The following ACBD6 variants were observed in gnomAD, a reference collection of about 807,000 sequenced individuals.
The protein encoded by ACBD6 is acyl-CoA-binding domain-containing protein 6.
A neutral mutation model predicts 37.2 loss-of-function variants in ACBD6; 28 were observed. The ratio of observed to expected loss-of-function variants is 0.75; its 90% CI spans 0.56 to 1.03. The LOEUF (loss-of-function observed/expected upper bound fraction) is 1.03. Among genes scored for constraint, ACBD6 ranks in the 50% least tolerant of loss-of-function variants. The pLI is 0.00. For missense variants in ACBD6, 340 were observed against 337.4 expected (o/e 1.01, Z -0.06); for synonymous variants, 113 against 126.8 (o/e 0.89, Z 0.73).
chr1:180,272,449 A>G (rs1268721746), intron 13 of ACBD6, among the ~76,000 whole-genome samples: 1 of 152,172 alleles, frequency 6.6e-6, no homozygotes, highest in African/African-American at 2.4e-5. Flanking sequence ...CATGCTCCAC[A>G]GGTTTTTTCC....
intron 6 of ACBD6, among the ~76,000 whole-genome samples, chr1:180,321,531 A>G (rs1246626062): frequency 6.6e-6 from 1 of 151,988 alleles, no homozygotes; most frequent in East Asian, 1.9e-4. Context: ...CTGGGTATTT[A>G]TCTGTGGCTA....
At chr1:180,343,759 A>G (rs1484030715) in intron 6 of ACBD6, among the ~76,000 whole-genome samples, 1 of 152,148 alleles carries the variant, frequency 6.6e-6, no homozygotes, top group Non-Finnish European at 1.5e-5. Context: ...AAAAGTAAGC[A>G]TAAAAACAAA....
Position 180,432,527 on chromosome 1 carries a change from A to C in ACBD6, c.385-2265T>G, listed in dbSNP as rs554067271. Among the ~76,000 whole-genome samples the C allele has an allele frequency of 2.8e-4, 43 of 152,318 alleles. 1 individual carries two copies. In the Middle Eastern group the frequency reaches 0.014, roughly 48 times the overall value. Reference sequence around the variant, plus strand: ...TGTTTAAACATCATGTCATTAAAGAAATGCAAATGAAAACAAAAATGAGAA... The same window carrying C: ...TGTTTAAACATCATGTCATTAAAGACATGCAAATGAAAACAAAAATGAGAA... On this transcript the variant is annotated intron_variant, in intron 3 of 7. Coordinates refer to ENST00000367595, the MANE Select transcript of ACBD6 (RefSeq NM_032360.4).
intron 6 of ACBD6, among the ~76,000 whole-genome samples, chr1:180,334,149 A>C (rs1436787226): frequency 6.6e-6 from 1 of 152,248 alleles, no homozygotes; most frequent in Non-Finnish European, 1.5e-5. Flanking sequence ...TCCCTGTCTG[A>C]CAGCTTTGAA....
intron 6 of ACBD6, among the ~76,000 whole-genome samples, chr1:180,340,703 A>T (rs962986215): frequency 6.6e-6 from 1 of 151,878 alleles, no homozygotes; most frequent in Non-Finnish European, 1.5e-5. Context: ...AGGATGAGAT[A>T]TAGTACACAA....
intron 6 of ACBD6, among the ~76,000 whole-genome samples, chr1:180,368,481 G>A (rs549475964): frequency 1.1e-4 from 16 of 152,142 alleles, no homozygotes; most frequent in African/African-American, 3.6e-4. Flanking sequence ...TATTGCCTAG[G>A]TTGTCTTCCA....
At chr1:180,275,788 C>T (rs1648990806) in intron 9 of ACBD6, 2 of 152,244 alleles carry the variant, frequency 1.3e-5, no homozygotes, top group South Asian at 4.1e-4. Flanking sequence ...TGGCTGGACA[C>T]CTGCCATGCC....
At chr1:180,280,066 G>T (rs1030862388) in intron 9 of ACBD6, among the ~76,000 whole-genome samples, 1 of 152,088 alleles carries the variant, frequency 6.6e-6, no homozygotes, top group African/African-American at 2.4e-5. Context: ...CACATTTTAG[G>T]TGCTCAACAG....
At chr1:180,347,736 CTG>C (rs1486080361) in intron 6 of ACBD6, among the ~76,000 whole-genome samples, 1 of 152,118 alleles carries the variant, frequency 6.6e-6, no homozygotes, top group Non-Finnish European at 1.5e-5. Flanking sequence ...GTTTGGGAGG[CTG>C]AGGCGGGTGG....
At chr1:180,439,587 C>T (rs574305857) in intron 3 of ACBD6, among the ~76,000 whole-genome samples, 9 of 149,818 alleles carry the variant, frequency 6.0e-5, no homozygotes, top group African/African-American at 2.2e-4. Context: ...GAGACTCCGT[C>T]TCAAAAAAAA....
chr1:180,337,108 T>C (rs1651753990), intron 6 of ACBD6, among the ~76,000 whole-genome samples: 2 of 152,190 alleles, frequency 1.3e-5, no homozygotes, highest in South Asian at 4.1e-4. Context: ...CTTCTGAAAC[T>C]ATTCCAATTA....
chr1:180,405,644 A>G (rs1243889782), intron 5 of ACBD6, among the ~76,000 whole-genome samples: 1 of 152,224 alleles, frequency 6.6e-6, no homozygotes, highest in African/African-American at 2.4e-5. Flanking sequence ...TACTATTTAA[A>G]TACTATCAAT....
chr1:180,341,123 T>C (rs897805196), intron 6 of ACBD6, among the ~76,000 whole-genome samples: 1 of 152,140 alleles, frequency 6.6e-6, no homozygotes, highest in Non-Finnish European at 1.5e-5. Flanking sequence ...TCTGAAAGTC[T>C]ACTATATACC....
At chr1:180,292,556 T>C (rs1649751901) in intron 7 of ACBD6, among the ~76,000 whole-genome samples, 2 of 152,146 alleles carry the variant, frequency 1.3e-5, no homozygotes, top group South Asian at 4.1e-4. Context: ...AGGAATACTT[T>C]TCATGTTTGT....
intron 5 of ACBD6, among the ~76,000 whole-genome samples, chr1:180,410,956 T>A (rs551366676): frequency 6.6e-5 from 10 of 152,274 alleles, no homozygotes; most frequent in African/African-American, 2.4e-4. Context: ...TAAGAACATG[T>A]GTGATGGGAG....
intron 5 of ACBD6, among the ~76,000 whole-genome samples, chr1:180,408,954 C>T (rs149974529): frequency 0.026 from 3,987 of 151,986 alleles, 177 homozygotes; most frequent in African/African-American, 0.09. Flanking sequence ...CTCAGGAGTT[C>T]GAGACCAGCC....
intron 6 of ACBD6, among the ~76,000 whole-genome samples, chr1:180,325,632 T>C (rs1094597): frequency 0.045 from 6,886 of 152,228 alleles, 226 homozygotes; most frequent in Non-Finnish European, 0.059. Flanking sequence ...TGGATAGTCA[T>C]TGGCGTTTAA....
intron 8 of ACBD6, chr1:180,281,497 CAT>C (rs1649307015): frequency 6.6e-6 from 1 of 152,204 alleles, no homozygotes; most frequent in South Asian, 2.1e-4. Context: ...AATGTATCTG[CAT>C]GTATTTCCTA....
At chr1:180,444,675 T>C (rs2102018093) in intron 3 of ACBD6, among the ~76,000 whole-genome samples, 1 of 152,278 alleles carries the variant, frequency 6.6e-6, no homozygotes, top group Middle Eastern at 3.4e-3. Flanking sequence ...TCCATTTCTC[T>C]CTACTCAAAA....
Sources: allele counts gnomAD v4.1 joint callset (sites outside exome capture counted in the v4.1 genomes callset), GRCh38; gene constraint gnomAD v4.1.1; transcripts MANE v1.5; gene names NCBI Gene and HGNC (gene_info 2026-07-23, HGNC 2026-07-21).